The following MCC variants were observed in gnomAD, a reference collection of about 807,000 sequenced individuals.
The protein encoded by MCC is MCC regulator of Wnt signaling pathway.
Under a neutral mutation model 116.2 loss-of-function variants are expected in MCC, and 90 were observed. The observed-to-expected ratio is 0.77, with a 90% CI of 0.65 to 0.92. The LOEUF (loss-of-function observed/expected upper bound fraction) is 0.92. MCC is among the 40% of genes least tolerant of loss of function. The pLI is 0.00. For missense variants in MCC, 1,516 were observed against 1,312.2 expected (o/e 1.16, Z -2.40); for synonymous variants, 578 against 510.5 (o/e 1.13, Z -1.78).
intron 2 of MCC, among the ~76,000 whole-genome samples, chr5:113,364,962 TGTG>T (rs1768649624): frequency 2.0e-5 from 3 of 152,204 alleles, no homozygotes; most frequent in Non-Finnish European, 4.4e-5. Flanking sequence ...TCTCCAGACC[TGTG>T]ATGAGAGGGG....
At chr5:113,049,035 GGGCA>G in intron 16 of MCC, 54 bp downstream of exon 16, 2 of 878,538 alleles carry the variant, frequency 2.3e-6, no homozygotes, top group Non-Finnish European at 3.0e-6. Flanking sequence ...AGTGGTCACT[GGGCA>G]GTCACTGGGC....
At chr5:113,431,768 G>C (rs1409901666) in intron 1 of MCC, among the ~76,000 whole-genome samples, 9 of 136,740 alleles carry the variant, frequency 6.6e-5, no homozygotes, top group East Asian at 2.2e-4. Context: ...GGCCAAGGGG[G>C]GGGGGGGGTG....
At chr5:113,294,587 G>A (rs920165748) in intron 3 of MCC, 7 of 1,244,374 alleles carry the variant, frequency 5.6e-6, no homozygotes, top group East Asian at 3.3e-5. Flanking sequence ...TTTCACGGAC[G>A]AGCCATTGCT....
intron 3 of MCC, among the ~76,000 whole-genome samples, chr5:113,309,926 C>T (rs528336963): frequency 6.6e-6 from 1 of 150,690 alleles, no homozygotes; most frequent in Non-Finnish European, 1.5e-5. Context: ...TCTTCCCTCC[C>T]TCCCTCCCTC....
chr5:113,087,073 C>A (rs745443098), intron 8 of MCC, among the ~76,000 whole-genome samples: 5 of 152,206 alleles, frequency 3.3e-5, no homozygotes, highest in Admixed American at 1.3e-4. Flanking sequence ...CGGTGCCAGC[C>A]CTGCCGCCAA....
chr5:113,292,880 T>C (rs949085096), intron 3 of MCC, among the ~76,000 whole-genome samples: 6 of 152,198 alleles, frequency 3.9e-5, no homozygotes, highest in Admixed American at 1.3e-4. Flanking sequence ...GGGTTAGTGA[T>C]GGAGCAGGGC....
chr5:113,384,291 T>A (rs533274856), intron 2 of MCC, among the ~76,000 whole-genome samples: 9 of 152,288 alleles, frequency 5.9e-5, no homozygotes, highest in Admixed American at 2.0e-4. Context: ...ATCTTAAATT[T>A]AAAAAATTGC....
At chr5:113,450,526 G>C (rs770292736) in intron 1 of MCC, among the ~76,000 whole-genome samples, 4 of 152,142 alleles carry the variant, frequency 2.6e-5, no homozygotes, top group Admixed American at 2.0e-4. Context: ...ATTTTGGCCA[G>C]GACCATTTGC....
At chr5:113,423,199 A>G (rs1770387107) in intron 1 of MCC, among the ~76,000 whole-genome samples, 2 of 152,054 alleles carry the variant, frequency 1.3e-5, no homozygotes, top group South Asian at 2.1e-4. Flanking sequence ...CTTTTTGTTG[A>G]TAACTTTGCT....
At chr5:113,155,373 C>T (rs759851695) in intron 3 of MCC, among the ~76,000 whole-genome samples, 14 of 152,136 alleles carry the variant, frequency 9.2e-5, no homozygotes, top group Admixed American at 2.6e-4. Context: ...TGTAATAAGC[C>T]GATTTTCTTT....
intron 13 of MCC, 23 bp from the exon 14 acceptor site, chr5:113,064,190 G>T: frequency 6.3e-7 from 1 of 1,594,706 alleles, no homozygotes; most frequent in Admixed American, 1.7e-5. Flanking sequence ...GAAGCCAACG[G>T]ATTAATCAAC....
intron 2 of MCC, among the ~76,000 whole-genome samples, chr5:113,358,201 G>C (rs538213009): frequency 5.3e-5 from 8 of 152,138 alleles, no homozygotes; most frequent in Non-Finnish European, 1.0e-4. Context: ...TCTGAGTATG[G>C]AATATTCCAT....
At chr5:113,294,549 C>T in intron 3 of MCC, 5 of 1,398,048 alleles carry the variant, frequency 3.6e-6, no homozygotes, top group Non-Finnish European at 4.7e-6. Context: ...GATGCAGGCA[C>T]TCTTAAAAAG....
At chr5:113,349,736 G>C (rs959285460) in intron 2 of MCC, among the ~76,000 whole-genome samples, 1 of 151,864 alleles carries the variant, frequency 6.6e-6, no homozygotes, top group Non-Finnish European at 1.5e-5. Flanking sequence ...ATCCAAACTG[G>C]AAAAGAAGTC....
intron 18 of MCC, 104 bp from the exon 19 acceptor site, chr5:113,027,586 G>T: frequency 2.0e-6 from 2 of 1,013,900 alleles, no homozygotes; most frequent in South Asian, 1.5e-5. Flanking sequence ...CTGCTCTGAA[G>T]AAAGATCACT....
intron 3 of MCC, chr5:113,294,298 A>G (rs777651753): frequency 9.3e-6 from 15 of 1,613,052 alleles, no homozygotes; most frequent in Non-Finnish European, 1.3e-5. Flanking sequence ...CGCCCGAGAA[A>G]CCCTAGCTCC....
intron 3 of MCC, among the ~76,000 whole-genome samples, chr5:113,261,802 G>A (rs559608301): frequency 2.6e-5 from 4 of 152,016 alleles, no homozygotes; most frequent in East Asian, 1.9e-4. Context: ...AGCACTCTCC[G>A]TTTGAGATGC....
rs75781868 is a variant in MCC at position 113,196,452 on chromosome 5, A to G, written c.628-45030T>C. Among the ~76,000 whole-genome samples, 3 of 152,334 alleles carry G rather than the reference A, an allele frequency of 2.0e-5. No homozygotes were observed. In the East Asian group the frequency reaches 5.8e-4, roughly 29 times the overall value. On this transcript the variant is annotated intron_variant, in intron 3 of 18. Coordinates refer to ENST00000408903, the MANE Select transcript of MCC (RefSeq NM_001085377.2). ...CCAGCATTTGTTGCTAGGTGGGAATATGGGCCCCATGTTGCTAGATACTAT... is the reference window on the plus strand; with the variant it reads ...CCAGCATTTGTTGCTAGGTGGGAATGTGGGCCCCATGTTGCTAGATACTAT...
chr5:113,066,850 C>T (rs1753639139), intron 13 of MCC, among the ~76,000 whole-genome samples: 1 of 152,212 alleles, frequency 6.6e-6, no homozygotes, highest in Admixed American at 6.5e-5. Flanking sequence ...CATGGGAATG[C>T]CTGGCCTGCC....
Sources: allele counts gnomAD v4.1 joint callset (sites outside exome capture counted in the v4.1 genomes callset), GRCh38; gene constraint gnomAD v4.1.1; transcripts MANE v1.5; gene names NCBI Gene and HGNC (gene_info 2026-07-23, HGNC 2026-07-21).